Variants in PKIA observed in about 807,000 individuals in gnomAD.
PKIA encodes PKI-alpha.
In PKIA, 4 loss-of-function variants were observed where a neutral mutation model predicts 7.6. The observed-to-expected ratio is 0.52, with a 90% CI of 0.26 to 1.20. The LOEUF (loss-of-function observed/expected upper bound fraction) is 1.20, where lower values mean the gene tolerates loss of function less well. PKIA is among the 50% of genes most tolerant of loss of function. The pLI is 0.13. For synonymous variants in PKIA, 21 were observed against 30.7 expected, an observed-to-expected ratio of 0.68 and a Z score of 1.04; for missense variants, 73 against 86.2, an observed-to-expected ratio of 0.85 and a Z score of 0.61.
intron 1 of PKIA, among the ~76,000 whole-genome samples, chr8:78,568,515 A>T (rs534803907): frequency 2.6e-5 from 4 of 152,284 alleles, no homozygotes; most frequent in African/African-American, 7.2e-5. Context: ...TTCACTTTCC[A>T]CTAAAACTAT....
intron 2 of PKIA, among the ~76,000 whole-genome samples, chr8:78,584,372 G>T (rs745734375): frequency 3.3e-5 from 5 of 152,110 alleles, no homozygotes; most frequent in East Asian, 1.9e-4. Context: ...TTAGATGGAA[G>T]TATAGCCAAG....
chr8:78,600,478 G>C (rs1029735213), intron 3 of PKIA, among the ~76,000 whole-genome samples: 3 of 152,066 alleles, frequency 2.0e-5, no homozygotes, highest in South Asian at 2.1e-4. Context: ...TGGGAGTCAA[G>C]TTCCTCATCT....
At chr8:78,597,236 G>C (rs1387711630) in intron 2 of PKIA, among the ~76,000 whole-genome samples, 1 of 152,102 alleles carries the variant, frequency 6.6e-6, no homozygotes, top group African/African-American at 2.4e-5. Flanking sequence ...TTGGTAGTTT[G>C]ATAGGAATAG....
chr8:78,531,195 G>A, intron 1 of PKIA, among the ~76,000 whole-genome samples: 1 of 151,856 alleles, frequency 6.6e-6, no homozygotes, highest in East Asian at 1.9e-4. Flanking sequence ...TCTTTCACTT[G>A]GGATCAGCCA....
In PKIA at chr8:78,604,718, T is replaced by C. The variant is rs1386774785; in HGVS notation, c.*2897T>C. On this transcript the variant is annotated 3_prime_UTR_variant, in exon 4 of 4. Transcript: ENST00000396418. ...GTTTCATGCTACTCATTTTGTTTAA[T>C]TACCAACAAACATGGGGACTTTGGC... 3 of 152,060 alleles carry C rather than the reference T, an allele frequency of 2.0e-5. No homozygotes were observed. Among genetic ancestry groups the C allele is most frequent in the African/African-American group, 2.4e-5 (1 of 41,436 alleles). 9.4% of individuals were successfully genotyped at this position (152,060 alleles called of 1,614,324 possible).
intron 1 of PKIA, 139 bp from the exon 2 acceptor site, chr8:78,572,672 A>C (rs868248049): frequency 6.6e-6 from 1 of 151,674 alleles, no homozygotes; most frequent in African/African-American, 2.4e-5. Context: ...TGTTGTGAGA[A>C]TTCATACTCA....
intron 2 of PKIA, among the ~76,000 whole-genome samples, chr8:78,576,776 T>C (rs1585913631): frequency 6.6e-6 from 1 of 152,030 alleles, no homozygotes; most frequent in African/African-American, 2.4e-5. Context: ...ACAGTTATTC[T>C]GGCATTAAAA....
At chr8:78,520,209 A>G (rs960193569) in intron 1 of PKIA, among the ~76,000 whole-genome samples, 1 of 152,200 alleles carries the variant, frequency 6.6e-6, no homozygotes, top group African/African-American at 2.4e-5. Context: ...AGTTCTCAAT[A>G]TATGTGCAAA....
chr8:78,577,383 C>T (rs1468540269), intron 2 of PKIA, among the ~76,000 whole-genome samples: 3 of 151,676 alleles, frequency 2.0e-5, no homozygotes, highest in Non-Finnish European at 4.4e-5. Context: ...GAAAAGATAA[C>T]TGTTGGATAC....
chr8:78,558,889 G>A (rs1807215910), intron 1 of PKIA, among the ~76,000 whole-genome samples: 1 of 152,104 alleles, frequency 6.6e-6, no homozygotes, highest in Non-Finnish European at 1.5e-5. Context: ...TATTATGTTA[G>A]AAACTGTGCA....
At chr8:78,567,262 T>C (rs548047622) in intron 1 of PKIA, among the ~76,000 whole-genome samples, 15 of 152,284 alleles carry the variant, frequency 9.9e-5, no homozygotes, top group African/African-American at 3.6e-4. Context: ...ACTTTGATCA[T>C]GGTTCCTATA....
chr8:78,567,670 CAG>C (rs1279900450), intron 1 of PKIA, among the ~76,000 whole-genome samples: 2 of 152,230 alleles, frequency 1.3e-5, no homozygotes, highest in East Asian at 1.9e-4. Flanking sequence ...CAATAAGAAG[CAG>C]AGAGTTATAC....
At chr8:78,553,704 T>C (rs540529513) in intron 1 of PKIA, among the ~76,000 whole-genome samples, 3 of 151,364 alleles carry the variant, frequency 2.0e-5, no homozygotes, top group East Asian at 3.9e-4. Context: ...CCGCAGCTTT[T>C]TGTATCAAGC....
intron 2 of PKIA, among the ~76,000 whole-genome samples, chr8:78,582,697 A>G (rs777342192): frequency 6.6e-6 from 1 of 152,160 alleles, no homozygotes; most frequent in Non-Finnish European, 1.5e-5. Context: ...TTCTTCAAGA[A>G]CTTTATATAT....
chr8:78,559,390 C>G (rs1353151704), intron 1 of PKIA, among the ~76,000 whole-genome samples: 1 of 152,130 alleles, frequency 6.6e-6, no homozygotes, highest in African/African-American at 2.4e-5. Context: ...GGTGGGAAGA[C>G]TGAGAAGCTA....
chr8:78,544,494 G>C (rs906410197), intron 1 of PKIA, among the ~76,000 whole-genome samples: 1 of 152,100 alleles, frequency 6.6e-6, no homozygotes, highest in African/African-American at 2.4e-5. Flanking sequence ...GAAATTCCCT[G>C]TTTGTTGTCT....
chr8:78,534,376 G>A (rs1352427250), intron 1 of PKIA: 3 of 152,102 alleles, frequency 2.0e-5, no homozygotes, highest in Non-Finnish European at 4.4e-5. Flanking sequence ...ATTAGATGTT[G>A]GTATCTCAAC....
intron 2 of PKIA, among the ~76,000 whole-genome samples, chr8:78,576,411 T>C (rs1807674522): frequency 6.6e-6 from 1 of 152,018 alleles, no homozygotes; most frequent in Admixed American, 6.6e-5. Context: ...ATCTTGCTAA[T>C]ATTACCTGTT....
At chr8:78,577,051 G>A (rs925512682) in intron 2 of PKIA, among the ~76,000 whole-genome samples, 1 of 152,034 alleles carries the variant, frequency 6.6e-6, no homozygotes, top group African/African-American at 2.4e-5. Context: ...TGGAGTTGGA[G>A]GCCATCATCC....
Sources: gnomAD v4.1 joint callset for allele counts (sites outside exome capture counted in the v4.1 genomes callset) on GRCh38, gnomAD v4.1.1 for gene constraint, MANE v1.5 for transcripts, NCBI Gene and HGNC (gene_info 2026-07-23, HGNC 2026-07-21) for gene names.